ASIC2: variants seen among roughly 807,000 people sequenced by gnomAD.
The protein encoded by ASIC2 is acid sensing ion channel subunit 2, also known as acid-sensing ion channel 2.
In ASIC2, 25 loss-of-function variants were observed where a neutral mutation model predicts 57.3. The observed-to-expected ratio is 0.44, with a 90% CI of 0.32 to 0.61. The LOEUF is 0.61. Ranked by LOEUF, ASIC2 falls within the 20% of genes least tolerant of loss-of-function variation. The pLI is 0.06. For synonymous variants in ASIC2, 319 were observed against 307.5 expected (o/e 1.04, Z -0.39); for missense variants, 641 against 738.1 (o/e 0.87, Z 1.52).
Position 33,872,457 on chromosome 17 carries a change from T to C in ASIC2, c.555+283521A>G, listed in dbSNP as rs188539903. ...AGGACTGTTATGAGCCAGGTATTCC[T>C]TCAGATTCTAGTGATACAGAGCTCG... On this transcript the variant is annotated intron_variant, in intron 1 of 9. Transcript: ENST00000359872. 3.7e-4 allele frequency among the ~76,000 whole-genome samples: 57 copies of C among 152,286 alleles called. No individual in the cohort carries two copies. The East Asian group carries it at 0.011, about 29-fold the overall frequency.
chr17:33,673,657 C>T (rs931566304), intron 1 of ASIC2, among the ~76,000 whole-genome samples: 9 of 152,070 alleles, frequency 5.9e-5, no homozygotes, highest in Non-Finnish European at 1.0e-4. Context: ...CTGAGATCCT[C>T]GCCCAGTCCC....
intron 1 of ASIC2, among the ~76,000 whole-genome samples, chr17:33,872,937 T>C (rs1023900669): frequency 6.6e-6 from 1 of 151,966 alleles, no homozygotes; most frequent in Admixed American, 6.6e-5. Flanking sequence ...GGGTGGGAAC[T>C]AGGCAAGGGG....
rs1052044245 is a variant in ASIC2, at chr17:33,579,559, A to T, written c.556-467492T>A. ...TCCCTGCCTTCAAGAATGAAAGGGCAGACCCTACTGGTGAGTGTTACAGCT... is the reference window on the plus strand; with the variant it reads ...TCCCTGCCTTCAAGAATGAAAGGGCTGACCCTACTGGTGAGTGTTACAGCT... On this transcript the variant is annotated intron_variant, in intron 1 of 9. Coordinates refer to the ASIC2 transcript ENST00000359872. 6.6e-5 allele frequency among the ~76,000 whole-genome samples: 10 copies of T among 152,168 alleles called. No homozygotes were observed. The South Asian group carries it at 1.2e-3, about 19-fold the overall frequency.
At chr17:33,899,593 C>T (rs1176024317) in intron 1 of ASIC2, among the ~76,000 whole-genome samples, 1 of 152,172 alleles carries the variant, frequency 6.6e-6, no homozygotes, top group South Asian at 2.1e-4. Flanking sequence ...AGAGATTGGA[C>T]GTGTGATTAT....
At chr17:33,906,186 T>C (rs954277682) in intron 1 of ASIC2, among the ~76,000 whole-genome samples, 4 of 152,040 alleles carry the variant, frequency 2.6e-5, no homozygotes, top group African/African-American at 9.7e-5. Flanking sequence ...ACGTGTCTGG[T>C]TGGCTTTTGT....
At chr17:33,657,318 C>T (rs1232454110) in intron 1 of ASIC2, among the ~76,000 whole-genome samples, 2 of 152,158 alleles carry the variant, frequency 1.3e-5, no homozygotes, top group Non-Finnish European at 2.9e-5. Flanking sequence ...GGCTGGCAAG[C>T]AAACTTCCCA....
At chr17:33,135,130 G>A (rs370648751) in intron 1 of ASIC2, among the ~76,000 whole-genome samples, 1 of 152,066 alleles carries the variant, frequency 6.6e-6, no homozygotes, top group East Asian at 1.9e-4. Context: ...CTTCCAGGAT[G>A]AAGTTCATTC....
At chr17:33,937,785 TTTTG>T (rs1014662579) in intron 1 of ASIC2, among the ~76,000 whole-genome samples, 25 of 152,114 alleles carry the variant, frequency 1.6e-4, no homozygotes, top group African/African-American at 2.2e-4. Context: ...TCATTGAGAG[TTTTG>T]TTTGTTTGTT....
At chr17:34,021,948 T>C (rs6505390) in intron 1 of ASIC2, among the ~76,000 whole-genome samples, 98,943 of 151,048 alleles carry the variant, frequency 0.66, 34,082 homozygotes, top group African/African-American at 0.89. Context: ...CGCCATTCTC[T>C]TGTCTCAGCC....
intron 1 of ASIC2, among the ~76,000 whole-genome samples, chr17:34,090,180 T>C (rs1910275039): frequency 6.6e-6 from 1 of 152,214 alleles, no homozygotes; most frequent in Non-Finnish European, 1.5e-5. Context: ...TTTCTCTTTG[T>C]GTGGAGCTCC....
chr17:33,735,529 C>A (rs1355231745), intron 1 of ASIC2, among the ~76,000 whole-genome samples: 4 of 152,076 alleles, frequency 2.6e-5, no homozygotes, highest in Non-Finnish European at 5.9e-5. Flanking sequence ...GAGAGGGAGC[C>A]ATAGCTTGGA....
intron 1 of ASIC2, among the ~76,000 whole-genome samples, chr17:33,577,492 A>G (rs1286932052): frequency 6.6e-6 from 1 of 152,120 alleles, no homozygotes; most frequent in Admixed American, 6.5e-5. Flanking sequence ...ACCCTACCGT[A>G]TTGGTTCTCT....
chr17:33,669,211 G>A (rs76059671), intron 1 of ASIC2, among the ~76,000 whole-genome samples: 2 of 152,284 alleles, frequency 1.3e-5, no homozygotes, highest in Admixed American at 1.3e-4. Flanking sequence ...CTGCCTCAAG[G>A]TTCAGCCATT....
chr17:33,834,827 T>C (rs1414935885), intron 1 of ASIC2, among the ~76,000 whole-genome samples: 4 of 152,210 alleles, frequency 2.6e-5, no homozygotes, highest in African/African-American at 9.7e-5. Flanking sequence ...GTAAGAAGTT[T>C]CTGAGAGCCC....
In ASIC2 at chr17:33,682,316, C is replaced by T. The variant is rs145741030; in HGVS notation, c.555+473662G>A. ...TCCTGACCTCGTGATCAGCCCACCT[C>T]GGCCTCCCAAAGTGCTGGGATTCCA... On this transcript the variant is annotated intron_variant, in intron 1 of 9. Coordinates refer to the ASIC2 transcript ENST00000359872. Among the ~76,000 whole-genome samples, 785 of 151,964 alleles carry T rather than the reference C, an allele frequency of 5.2e-3. 9 individuals are homozygous for T. The highest frequency in any genetic ancestry group is 0.018 in the African/African-American group (744 of 41,426).
intron 1 of ASIC2, among the ~76,000 whole-genome samples, chr17:33,482,750 C>A (rs764773598): frequency 6.6e-6 from 1 of 152,224 alleles, no homozygotes; most frequent in African/African-American, 2.4e-5. Context: ...TTTTCCCACA[C>A]TACCCCATCA....
intron 1 of ASIC2, among the ~76,000 whole-genome samples, chr17:33,859,975 C>T (rs554584492): frequency 6.6e-6 from 1 of 152,200 alleles, no homozygotes; most frequent in African/African-American, 2.4e-5. Context: ...TGAGACACCA[C>T]ACCGAGCAGC....
At chr17:33,568,789 AT>A (rs1169308585) in intron 1 of ASIC2, among the ~76,000 whole-genome samples, 1 of 152,170 alleles carries the variant, frequency 6.6e-6, no homozygotes, top group Admixed American at 6.5e-5. Flanking sequence ...TCCTTTACAT[AT>A]AGTTAGCAAT....
At chr17:34,101,479 A>G (rs988139812) in intron 1 of ASIC2, among the ~76,000 whole-genome samples, 3 of 152,214 alleles carry the variant, frequency 2.0e-5, no homozygotes, top group African/African-American at 7.2e-5. Flanking sequence ...TCAAGTGAGT[A>G]CCCAGGGTCA....
Sources: gnomAD v4.1 joint callset for allele counts (sites outside exome capture counted in the v4.1 genomes callset) on GRCh38, gnomAD v4.1.1 for gene constraint, MANE v1.5 for transcripts, NCBI Gene and HGNC (gene_info 2026-07-23, HGNC 2026-07-21) for gene names.